Variants in MCUB observed in about 807,000 individuals in gnomAD.
MCUB encodes mitochondrial calcium uniporter dominant negative subunit beta, also known as calcium uniporter regulatory subunit MCUb, mitochondrial.
Under a neutral mutation model 41.4 loss-of-function variants are expected in MCUB, and 46 were observed. That is an observed-to-expected ratio of 1.11 (90% CI 0.88 to 1.42). MCUB has a LOEUF of 1.42. Among genes scored for constraint, MCUB ranks in the 40% most tolerant of loss-of-function variants. MCUB has a pLI of 0.00. For missense variants in MCUB, 403 were observed against 404.9 expected, an observed-to-expected ratio of 1.00 and a Z score of 0.04; for synonymous variants, 148 against 148.2, an observed-to-expected ratio of 1.00 and a Z score of 0.01.
chr4:109,662,416 A>G (rs1420667678), intron 3 of MCUB, among the ~76,000 whole-genome samples: 1 of 152,234 alleles, frequency 6.6e-6, no homozygotes, highest in Non-Finnish European at 1.5e-5. Context: ...CTCAATTAGT[A>G]TTGAAGTGAA....
chr4:109,653,381 GA>G (rs553404252), intron 1 of MCUB, among the ~76,000 whole-genome samples: 96 of 133,086 alleles, frequency 7.2e-4, no homozygotes, highest in East Asian at 3.7e-3. Context: ...CCCGTCTTAA[GA>G]AAAAAAAAAA....
chr4:109,567,995 G>A (rs561586672), intron 1 of MCUB, among the ~76,000 whole-genome samples: 201 of 152,216 alleles, frequency 1.3e-3, no homozygotes, highest in Non-Finnish European at 2.3e-3. Flanking sequence ...CACCGCTCCT[G>A]GCCTGAACAG....
At chr4:109,639,861 A>G (rs933659976) in intron 1 of MCUB, among the ~76,000 whole-genome samples, 3 of 152,174 alleles carry the variant, frequency 2.0e-5, no homozygotes, top group South Asian at 4.1e-4. Flanking sequence ...CACCAGATGC[A>G]TTATTAGCCC....
intron 1 of MCUB, among the ~76,000 whole-genome samples, chr4:109,607,420 G>A (rs961724424): frequency 3.3e-5 from 5 of 152,086 alleles, no homozygotes; most frequent in Non-Finnish European, 7.4e-5. Flanking sequence ...GTTTCACCAA[G>A]TTGGCCAGGC....
chr4:109,679,146 T>C (rs12504296), intron 4 of MCUB, among the ~76,000 whole-genome samples: 56,710 of 143,026 alleles, frequency 0.4, 11,020 homozygotes, highest in East Asian at 0.54. Flanking sequence ...CGGGCAGAGG[T>C]GCTCCTCACT....
At chr4:109,638,677 T>G (rs1006578720) in intron 1 of MCUB, among the ~76,000 whole-genome samples, 3 of 152,314 alleles carry the variant, frequency 2.0e-5, no homozygotes, top group African/African-American at 7.2e-5. Flanking sequence ...TATTATTTGA[T>G]AACATTTTAC....
rs374854925 is a variant in MCUB at position 109,688,309 on chromosome 4, C to T, written c.*717C>T. On this transcript the variant is annotated 3_prime_UTR_variant, in exon 8 of 8. Transcript: ENST00000394650. ...AACCTTGAAAGTAACATCTGTTATT[C>T]TATTAATGTGATTGTGTGTGAATGG... The T allele has an allele frequency of 6.6e-6, 1 of 152,166 alleles. No individual in the cohort carries two copies. Among genetic ancestry groups the T allele is most frequent in the East Asian group, 1.9e-4 (1 of 5,204 alleles). 9.4% of individuals were successfully genotyped at this position (152,166 alleles called of 1,614,324 possible).
intron 1 of MCUB, among the ~76,000 whole-genome samples, chr4:109,631,925 T>G (rs1728482054): frequency 6.6e-6 from 1 of 152,172 alleles, no homozygotes; most frequent in Non-Finnish European, 1.5e-5. Context: ...AGGGCTGGTC[T>G]AGAGAACAGC....
In MCUB at chr4:109,651,683, G is replaced by C. The variant is rs1052847718; in HGVS notation, c.100-7328G>C. On this transcript the variant is annotated intron_variant, in intron 1 of 7. Coordinates refer to ENST00000394650, the MANE Select transcript of MCUB (RefSeq NM_017918.5). ...CATTAAAAACCATGAATTCACACCA[G>C]TACTTCAGTCTAACACTACAGGGTT... 6.6e-5 allele frequency among the ~76,000 whole-genome samples: 10 copies of C among 151,968 alleles called. 1 individual carries two copies. In the East Asian group the frequency reaches 9.6e-4, roughly 15 times the overall value.
chr4:109,669,776 T>C (rs1170158339), intron 4 of MCUB, among the ~76,000 whole-genome samples: 1 of 152,150 alleles, frequency 6.6e-6, no homozygotes. Context: ...AGCTTAGAGA[T>C]TCTTTCTTCA....
intron 1 of MCUB, among the ~76,000 whole-genome samples, chr4:109,600,800 A>G (rs536844807): frequency 2.1e-4 from 32 of 151,938 alleles, no homozygotes; most frequent in South Asian, 6.2e-4. Context: ...ATATATATAT[A>G]TTTTTTTCCT....
intron 4 of MCUB, among the ~76,000 whole-genome samples, chr4:109,675,005 T>C (rs1359715936): frequency 1.3e-5 from 2 of 152,260 alleles, no homozygotes; most frequent in Non-Finnish European, 2.9e-5. Context: ...GCTATCACAC[T>C]TGTGAAATTC....
At chr4:109,616,623 C>T (rs991411549) in intron 1 of MCUB, among the ~76,000 whole-genome samples, 14 of 152,188 alleles carry the variant, frequency 9.2e-5, no homozygotes, top group African/African-American at 3.1e-4. Flanking sequence ...GAGTTGCATA[C>T]GTAGGTCTTT....
intron 1 of MCUB, among the ~76,000 whole-genome samples, chr4:109,634,517 G>C (rs1209204109): frequency 6.7e-6 from 1 of 149,470 alleles, no homozygotes; most frequent in African/African-American, 2.5e-5. Context: ...GTGTCTCCAT[G>C]CTCCGTTTTA....
intron 1 of MCUB, among the ~76,000 whole-genome samples, chr4:109,578,322 T>A (rs1727080522): frequency 6.6e-6 from 1 of 152,182 alleles, no homozygotes; most frequent in Non-Finnish European, 1.5e-5. Flanking sequence ...AAAAATAACT[T>A]GTTACAAAAT....
At chr4:109,615,031 G>T (rs1728095404) in intron 1 of MCUB, among the ~76,000 whole-genome samples, 1 of 152,124 alleles carries the variant, frequency 6.6e-6, no homozygotes, top group Non-Finnish European at 1.5e-5. Flanking sequence ...TAAATTGTAG[G>T]CTAGAAGCAT....
chr4:109,645,054 G>A (rs1027229290), intron 1 of MCUB, among the ~76,000 whole-genome samples: 1 of 152,122 alleles, frequency 6.6e-6, no homozygotes, highest in Non-Finnish European at 1.5e-5. Context: ...ATATCTAACA[G>A]ATGTCTTCAC....
intron 1 of MCUB, 31 bp from the exon 2 acceptor site, chr4:109,658,979 TA>T (rs943157562): frequency 2.4e-6 from 3 of 1,250,058 alleles, no homozygotes; most frequent in East Asian, 2.5e-5. Flanking sequence ...ACTCTTTTTT[TA>T]AAAAAACAAA....
intron 1 of MCUB, among the ~76,000 whole-genome samples, chr4:109,572,796 ATAC>A (rs1251697041): frequency 6.6e-6 from 1 of 152,168 alleles, no homozygotes; most frequent in Non-Finnish European, 1.5e-5. Context: ...ATGGCTTTTC[ATAC>A]TACTACAATA....
Sources: allele counts gnomAD v4.1 joint callset (sites outside exome capture counted in the v4.1 genomes callset), GRCh38; gene constraint gnomAD v4.1.1; transcripts MANE v1.5; gene names NCBI Gene and HGNC (gene_info 2026-07-23, HGNC 2026-07-21).